ZC3H13: variants seen among roughly 807,000 people sequenced by gnomAD.
The protein encoded by ZC3H13 is zinc finger CCCH-type containing 13.
A neutral mutation model predicts 204.1 loss-of-function variants in ZC3H13; 64 were observed. That is an observed-to-expected ratio of 0.31 (90% CI 0.26 to 0.39). ZC3H13 has a LOEUF of 0.39. ZC3H13 is among the 10% of genes least tolerant of loss of function. The pLI, the probability that ZC3H13 is intolerant of heterozygous loss-of-function variation, is 1.00. For missense variants in ZC3H13, 1,833 were observed against 2,082.7 expected, an observed-to-expected ratio of 0.88 and a Z score of 2.33; for synonymous variants, 667 against 693.7, an observed-to-expected ratio of 0.96 and a Z score of 0.60.
At chr13:46,034,995 A>G (rs529802206) in intron 4 of ZC3H13, among the ~76,000 whole-genome samples, 52 of 152,350 alleles carry the variant, frequency 3.4e-4, no homozygotes, top group Admixed American at 1.2e-3. Context: ...ATACCCCACT[A>G]GCACAAACAC....
At chr13:45,999,253 G>A (rs544371445) in intron 8 of ZC3H13, among the ~76,000 whole-genome samples, 5 of 152,206 alleles carry the variant, frequency 3.3e-5, no homozygotes, top group South Asian at 2.1e-4. Context: ...CTGAGATCAC[G>A]CCAGTGCACT....
Position 46,003,261 on chromosome 13 carries a change from G to C in ZC3H13, c.822C>G (p.Ile274Met). The C allele has an allele frequency of 6.2e-7, 1 of 1,612,770 alleles. No individual in the cohort carries two copies. Among genetic ancestry groups the C allele is most frequent in the African/African-American group, 1.3e-5 (1 of 74,832 alleles). Residue 274 changes from isoleucine (I) to methionine (M), a missense_variant, in exon 8 of 19, where the codon ATC becomes ATG. Ile to Met is a conservative substitution (Grantham distance 10, BLOSUM62 1). This residue lies in a region of ZC3H13 where 1,574 missense variants were observed against 1,757.2 expected (regional missense o/e 0.90). Coordinates refer to ENST00000679008, the MANE Select transcript of ZC3H13 (RefSeq NM_001330564.2). ...PSPPPPIPED[I>M]ALGKKYKEKY... ...TTTCTTTGTATTTTTTCCCCAGAGC[G>C]ATATCTTCTGGTATAGGAGGGGGTG... is the stretch of plus-strand genomic sequence containing the variant.
intron 9 of ZC3H13, among the ~76,000 whole-genome samples, chr13:45,986,525 T>C (rs1215198457): frequency 2.0e-5 from 3 of 152,186 alleles, no homozygotes; most frequent in Admixed American, 6.5e-5. Flanking sequence ...AAACAAACCA[T>C]GTCATTTTAT....
Position 46,045,371 on chromosome 13 carries a change from C to T in ZC3H13, c.117+20G>A. 5 of 1,585,326 alleles carry T rather than the reference C, an allele frequency of 3.2e-6. No individual in the cohort carries two copies. The South Asian group carries it at 5.5e-5, about 18-fold the overall frequency. On this transcript the variant is annotated intron_variant, in intron 2 of 18. Transcript: ENST00000679008. Reference sequence around the variant, plus strand: ...TAGAATTCTAAGAGAACCCCTGTGACTATACTAGTGACAACTCACCTCTGC... The same window carrying T: ...TAGAATTCTAAGAGAACCCCTGTGATTATACTAGTGACAACTCACCTCTGC...
In ZC3H13 at chr13:45,988,804, C is replaced by A. The variant is rs1049374213; in HGVS notation, c.1238G>T (p.Arg413Leu). 1.2e-6 allele frequency: 2 copies of A among 1,612,428 alleles called. No individual in the cohort carries two copies. The highest frequency in any genetic ancestry group is 1.7e-6 in the Non-Finnish European group (2 of 1,178,636). The change falls in exon 9 of 19, where the codon CGC (arginine) becomes CTC (leucine). Residue 413 changes from arginine (R) to leucine (L), a missense_variant. Arg to Leu is a moderately radical substitution (Grantham distance 102). Transcript: ENST00000679008. The stretch of plus-strand genomic sequence containing the variant: ...GTACACACCTTCCCTCCTTTCATGG[C>A]GTCGATCATGAGACTGTGAAGTTCG... ...HERTSQSHDR[R>L]HERREDTRGK... is the part of the protein sequence containing the mutation.
rs375491371 is a variant in ZC3H13 at position 46,029,573 on chromosome 13, C to T, written c.340-9016G>A. Among the ~76,000 whole-genome samples the T allele has an allele frequency of 6.3e-3, 961 of 151,630 alleles. 7 individuals are homozygous for T. The highest frequency in any genetic ancestry group is 0.021 in the South Asian group (99 of 4,794). ...CCTCCCGAGTAGCTGGGACTACAGG[C>T]GCCCGCTACCACGCCCGGCTAATTT... On this transcript the variant is annotated intron_variant, in intron 4 of 18. Transcript: ENST00000679008.
intron 5 of ZC3H13, among the ~76,000 whole-genome samples, chr13:46,018,402 T>C (rs548620659): frequency 5.3e-5 from 8 of 151,950 alleles, no homozygotes; most frequent in Non-Finnish European, 8.8e-5. Flanking sequence ...TGACTAACAG[T>C]AAAATAGGGA....
At chr13:46,012,229 T>C (rs1409115043) in intron 5 of ZC3H13, among the ~76,000 whole-genome samples, 1 of 152,152 alleles carries the variant, frequency 6.6e-6, no homozygotes, top group East Asian at 1.9e-4. Flanking sequence ...GCTATGAAGA[T>C]TGGTTAAAAA....
rs575615034 is a variant in ZC3H13 at position 46,004,465 on chromosome 13, G to A, written c.747-1129C>T. 5.3e-5 allele frequency among the ~76,000 whole-genome samples: 8 copies of A among 152,156 alleles called. No individual in the cohort carries two copies. The South Asian group carries it at 6.2e-4, about 12-fold the overall frequency. On this transcript the variant is annotated intron_variant, in intron 7 of 18. Transcript: ENST00000679008. ...TGAGGCAGGAGAATCACTTGAACCC[G>A]GAAGAAAGAGGTTGCAGTGAGCCAA...
intron 7 of ZC3H13, among the ~76,000 whole-genome samples, chr13:46,004,403 G>C (rs1057329225): frequency 6.6e-6 from 1 of 152,106 alleles, no homozygotes; most frequent in African/African-American, 2.4e-5. Context: ...AGCCAGGCAT[G>C]GTGGTGGGTG....
chr13:45,986,218 ATAC>A (rs1954177407), intron 9 of ZC3H13, among the ~76,000 whole-genome samples: 1 of 152,206 alleles, frequency 6.6e-6, no homozygotes, highest in Admixed American at 6.5e-5. Flanking sequence ...TGGTTGAGTG[ATAC>A]TATTATTCAC....
chr13:46,050,076 G>A (rs1473613917), intron 1 of ZC3H13, among the ~76,000 whole-genome samples: 1 of 151,904 alleles, frequency 6.6e-6, no homozygotes, highest in African/African-American at 2.4e-5. Flanking sequence ...TCCATTTGCA[G>A]AGCAAATGAA....
chr13:45,968,708 C>T (rs1048577305), intron 14 of ZC3H13, 40 bp downstream of exon 14: 1 of 1,532,046 alleles, frequency 6.5e-7, no homozygotes, highest in Non-Finnish European at 8.7e-7. Context: ...AATATACTAA[C>T]CTAGGAAACA....
chr13:46,022,795 C>T lies in ZC3H13; in HGVS notation c.340-2238G>A, dbSNP rs564338668. 4.8e-3 allele frequency among the ~76,000 whole-genome samples: 727 copies of T among 151,610 alleles called. 4 individuals are homozygous for T. The highest frequency in any genetic ancestry group is 0.016 in the African/African-American group (659 of 41,382). On this transcript the variant is annotated intron_variant, in intron 4 of 18. Coordinates refer to ENST00000679008, the MANE Select transcript of ZC3H13 (RefSeq NM_001330564.2). ...TGGAGTCTGGAACAGTAGCCTGTGA[C>T]CAAACATACTAACATTTTTGCAGCA...
chr13:46,021,754 G>A (rs1312658852), intron 4 of ZC3H13, among the ~76,000 whole-genome samples: 2 of 151,738 alleles, frequency 1.3e-5, no homozygotes, highest in Admixed American at 6.6e-5. Flanking sequence ...ACAGAAATGG[G>A]CCTCTACTTG....
intron 15 of ZC3H13, among the ~76,000 whole-genome samples, chr13:45,967,237 A>G (rs550137583): frequency 1.3e-5 from 2 of 152,308 alleles, no homozygotes; most frequent in South Asian, 4.1e-4. Flanking sequence ...ACATCTATAC[A>G]CACTGCATCT....
In ZC3H13 at chr13:45,985,502, A is replaced by G. The variant is rs370437632; in HGVS notation, c.1515T>C (p.His505=). Residue 505 remains histidine, a synonymous_variant, in exon 10 of 19, where the codon CAT becomes CAC. Transcript: ENST00000679008. ...CTCGACCTTCACGGTCCCTGTAGTC[A>G]TGGGCATCACGAGTGGACCGAGAAT... The part of the protein sequence containing the change: ...PRDSRSTRDA[H]DYRDREGRDT... The G allele has an allele frequency of 3.0e-5, 48 of 1,614,054 alleles. No individual in the cohort carries two copies. The highest frequency in any genetic ancestry group is 3.7e-5 in the Non-Finnish European group (44 of 1,180,038).
intron 4 of ZC3H13, among the ~76,000 whole-genome samples, chr13:46,025,478 A>C (rs566990005): frequency 6.6e-6 from 1 of 151,848 alleles, no homozygotes. Context: ...CTAATTAAAA[A>C]ATTTTTTTAT....
chr13:45,967,828 G>A lies in ZC3H13; in HGVS notation c.3997C>T (p.Arg1333Cys), dbSNP rs756673970. 3.0e-5 allele frequency: 48 copies of A among 1,613,414 alleles called. No homozygotes were observed. Among genetic ancestry groups the A allele is most frequent in the Non-Finnish European group, 3.8e-5 (45 of 1,179,832 alleles). ...WDRDADKDWP[R>C]NRDRDRLRER... is the part of the protein sequence containing the mutation. ...CGCAATCTATCTCGATCCCTGTTGC[G>A]TGGCCAATCTTTATCAGCATCTCGG... Residue 1333 changes from arginine to cysteine, a missense_variant, in exon 15 of 19, where the codon CGC becomes TGC. By Grantham distance (180) the Arg-to-Cys change is radical. This residue lies in a region of ZC3H13 where 1,574 missense variants were observed against 1,757.2 expected (regional missense o/e 0.90). Transcript: ENST00000679008.
Sources: allele counts gnomAD v4.1 joint callset (sites outside exome capture counted in the v4.1 genomes callset), GRCh38; gene constraint gnomAD v4.1.1; regional missense constraint gnomAD v4.1.1; transcripts MANE v1.5; gene names NCBI Gene and HGNC (gene_info 2026-07-23, HGNC 2026-07-21).